Variants in URB1 observed in about 807,000 individuals in gnomAD.
URB1 encodes nucleolar pre-ribosomal-associated protein 1.
Under a neutral mutation model 242.3 loss-of-function variants are expected in URB1, and 197 were observed. The ratio of observed to expected loss-of-function variants is 0.81; its 90% CI spans 0.72 to 0.91. The LOEUF is 0.91. URB1 is among the 40% of genes least tolerant of loss of function. The pLI, the probability that URB1 is intolerant of heterozygous loss-of-function variation, is 0.00. For missense variants in URB1, 2,721 were observed against 2,860.5 expected, an observed-to-expected ratio of 0.95 and a Z score of 1.11; for synonymous variants, 1,153 against 1,201.8, an observed-to-expected ratio of 0.96 and a Z score of 0.84.
At position 32,332,461 on chromosome 21, in the gene URB1, G is replaced by C. The variant is rs185653453; in HGVS notation, c.4960+856C>G. 2.0e-4 allele frequency among the ~76,000 whole-genome samples: 9 copies of C among 44,002 alleles called. 1 individual carries two copies. The Admixed American group carries it at 2.3e-3, about 11-fold the overall frequency. The allele number at this position is 44,002 out of a possible 152,430, so 28.9% of individuals were successfully genotyped here. On this transcript the variant is annotated intron_variant, in intron 30 of 38. Coordinates refer to ENST00000382751, the MANE Select transcript of URB1 (RefSeq NM_014825.3). The stretch of plus-strand genomic sequence containing the variant: ...TATAAAGAACACTCAAAACTCAATA[G>C]TTGAAAAAAGAAAGACAAAAAAAAA...
intron 37 of URB1, among the ~76,000 whole-genome samples, chr21:32,317,272 A>G (rs1026075198): frequency 6.6e-6 from 1 of 152,138 alleles, no homozygotes; most frequent in African/African-American, 2.4e-5. Context: ...ATTAATCCTC[A>G]CACCATGAGG....
intron 20 of URB1, among the ~76,000 whole-genome samples, chr21:32,350,250 A>C (rs1282096485): frequency 6.6e-6 from 1 of 152,224 alleles, no homozygotes; most frequent in Admixed American, 6.5e-5. Flanking sequence ...CCTGACCAAC[A>C]TGGTGAGAAC....
In URB1 at chr21:32,321,878, C is replaced by T. The variant is rs1478894292; in HGVS notation, c.5407G>A (p.Glu1803Lys). The T allele has an allele frequency of 7.7e-6, 12 of 1,551,666 alleles. No homozygotes were observed. The East Asian group carries it at 9.8e-5, about 13-fold the overall frequency. Reference protein sequence around the residue: ...RQGIRDKQCYELCARRGIFHI... With the variant: ...RQGIRDKQCYKLCARRGIFHI... ...AAGATGCCACGCCGGGCACACAGTT[C>T]GTAGCACTGCTTGTCACGGATCCCC... is the stretch of plus-strand genomic sequence containing the variant. Residue 1803 changes from glutamate (E) to lysine (K), a missense_variant, in exon 34 of 39, where the codon GAA (glutamate) becomes AAA (lysine). By Grantham distance (56) the Glu-to-Lys change is moderately conservative. Transcript: ENST00000382751.
At chr21:32,382,201 C>T (rs2033534670) in intron 4 of URB1, among the ~76,000 whole-genome samples, 1 of 152,142 alleles carries the variant, frequency 6.6e-6, no homozygotes, top group Non-Finnish European at 1.5e-5. Context: ...GTGGGGAGGG[C>T]ATCTGATGGA....
rs771035855 is a variant in URB1, at chr21:32,334,225, G to A, written c.4795C>T (p.Arg1599Trp). The A allele has an allele frequency of 7.7e-5, 119 of 1,551,432 alleles. No homozygotes were observed. In the Middle Eastern group the frequency reaches 1.0e-3, roughly 13 times the overall value. ...SVGDILRLLD[R>W]DRMMQTILHF... The stretch of plus-strand genomic sequence containing the variant: ...AGGATGGTCTGCATCATCCGGTCCC[G>A]GTCCAGCAGGCGAAGGATGTCCCCG... Residue 1599 changes from arginine (R) to tryptophan (W), a missense_variant, in exon 29 of 39, where the codon CGG becomes TGG. Coordinates refer to ENST00000382751, the MANE Select transcript of URB1 (RefSeq NM_014825.3).
rs2032770973 is a variant in URB1 at position 32,321,867 on chromosome 21, G to C, written c.5418C>G (p.Ala1806=). 1.9e-6 allele frequency: 3 copies of C among 1,551,716 alleles called. No homozygotes were observed. The highest frequency in any genetic ancestry group is 4.9e-5 in the East Asian group (2 of 40,926). ...GGATGATGTGGAAGATGCCACGCCG[G>C]GCACACAGTTCGTAGCACTGCTTGT... ...IRDKQCYELC[A]RRGIFHIILS... Residue 1806 remains alanine (A), a synonymous_variant, in exon 34 of 39, where the codon GCC becomes GCG. Coordinates refer to ENST00000382751, the MANE Select transcript of URB1 (RefSeq NM_014825.3).
chr21:32,365,072 G>T (rs969395219), intron 10 of URB1, among the ~76,000 whole-genome samples: 1 of 152,218 alleles, frequency 6.6e-6, no homozygotes, highest in Non-Finnish European at 1.5e-5. Flanking sequence ...ACAACACTGT[G>T]AGAGGAGGAG....
Position 32,319,188 on chromosome 21 carries a change from AGGGCCCCCCTGGCGG to A in URB1, c.5792+14_5792+28del. 1 of 1,531,358 alleles carries A rather than the reference AGGGCCCCCCTGGCGG, an allele frequency of 6.5e-7. No individual in the cohort carries two copies. The highest frequency in any genetic ancestry group is 8.8e-7 in the Non-Finnish European group (1 of 1,140,632). The allele number at this position is 1,531,358 out of a possible 1,614,324, so 94.9% of individuals were successfully genotyped here. On this transcript the variant is annotated intron_variant, in intron 36 of 38. Transcript: ENST00000382751. ...CCAACACAGCATCCAAGAGGCCAGA[AGGGCCCCCCTGGCGG>A]GGGCAGGACTCACCTCAGGTGCTTC...
chr21:32,354,251 A>G (rs1363614620), intron 17 of URB1, 148 bp from the exon 18 acceptor site: 3 of 799,506 alleles, frequency 3.8e-6, no homozygotes, highest in African/African-American at 3.5e-5. Context: ...GTTTGACCCT[A>G]AACAGACAAA....
chr21:32,339,681 C>T (rs572769872), intron 25 of URB1, among the ~76,000 whole-genome samples: 16 of 152,034 alleles, frequency 1.1e-4, no homozygotes, highest in East Asian at 3.9e-4. Flanking sequence ...TTAGTAGAGA[C>T]GGGGTTTCAC....
At chr21:32,348,391 T>C (rs1225440752) in intron 21 of URB1, among the ~76,000 whole-genome samples, 1 of 152,222 alleles carries the variant, frequency 6.6e-6, no homozygotes, top group Non-Finnish European at 1.5e-5. Context: ...AAAGTAATCC[T>C]GTCTCCACTG....
Position 32,339,289 on chromosome 21 carries a change from C to T in URB1, c.4317-389G>A, listed in dbSNP as rs112382601. On this transcript the variant is annotated intron_variant, in intron 25 of 38. Coordinates refer to ENST00000382751, the MANE Select transcript of URB1 (RefSeq NM_014825.3). ...GATTACAGGCATGAGCCACTGCGCCCGGCCATTTTCTCAGTATTTTATTAA... is the reference window on the plus strand; with the variant it reads ...GATTACAGGCATGAGCCACTGCGCCTGGCCATTTTCTCAGTATTTTATTAA... Among the ~76,000 whole-genome samples the T allele has an allele frequency of 1.3e-3, 195 of 152,220 alleles. 2 individuals are homozygous for T. The highest frequency in any genetic ancestry group is 6.8e-3 in the Middle Eastern group (2 of 294).
chr21:32,346,864 G>A, intron 22 of URB1, 92 bp downstream of exon 22: 2 of 1,431,946 alleles, frequency 1.4e-6, no homozygotes, highest in Non-Finnish European at 9.2e-7. Flanking sequence ...CCCAGAACCT[G>A]AATTTCTAGG....
Position 32,361,247 on chromosome 21 carries a change from G to A in URB1, c.1640-124C>T, listed in dbSNP as rs544610523. The stretch of plus-strand genomic sequence containing the variant: ...AAACATACTGGTTCTTTGTCCTTGA[G>A]CAGCTGAACCAAGTGTGGCACCACA... On this transcript the variant is annotated intron_variant, in intron 12 of 38. Transcript: ENST00000382751. 5.8e-6 allele frequency: 4 copies of A among 686,452 alleles called. No homozygotes were observed. In the African/African-American group the frequency reaches 7.6e-5, roughly 13 times the overall value. 42.5% of individuals were successfully genotyped at this position (686,452 alleles called of 1,614,324 possible).
chr21:32,369,786 A>G (rs537715070), intron 8 of URB1, among the ~76,000 whole-genome samples: 25 of 152,270 alleles, frequency 1.6e-4, no homozygotes, highest in African/African-American at 5.8e-4. Context: ...ATTTTCATTT[A>G]GCAGATGAAA....
In URB1 at chr21:32,311,757, C is replaced by A; in HGVS notation, c.*3161G>T. On this transcript the variant is annotated 3_prime_UTR_variant, in exon 39 of 39. Coordinates refer to ENST00000382751, the MANE Select transcript of URB1 (RefSeq NM_014825.3). Reference sequence around the variant, plus strand: ...CCTCCACCTCTGCATCCAGAAGTGCCTGCCGTGCCACAGGGAACCCCTGGC... The same window carrying A: ...CCTCCACCTCTGCATCCAGAAGTGCATGCCGTGCCACAGGGAACCCCTGGC... 6.2e-7 allele frequency: 1 copy of A among 1,614,158 alleles called. No homozygotes were observed. The highest frequency in any genetic ancestry group is 1.7e-5 in the Admixed American group (1 of 60,032).
chr21:32,360,898 G>C (rs2033275092), intron 13 of URB1, 109 bp downstream of exon 13: 2 of 660,136 alleles, frequency 3.0e-6, no homozygotes, highest in Non-Finnish European at 5.0e-6. Flanking sequence ...GCTGACGGAT[G>C]AGCACGCAGC....
intron 8 of URB1, among the ~76,000 whole-genome samples, chr21:32,371,096 C>T (rs746736010): frequency 1.3e-5 from 2 of 152,132 alleles, no homozygotes; most frequent in African/African-American, 2.4e-5. Context: ...AAGGGCTGTC[C>T]GGGAAGGCCT....
At chr21:32,346,185 C>A (rs2033084217) in intron 22 of URB1, among the ~76,000 whole-genome samples, 1 of 152,144 alleles carries the variant, frequency 6.6e-6, no homozygotes, top group Non-Finnish European at 1.5e-5. Flanking sequence ...AGAGCTGGCT[C>A]CGCTTTTTCT....
Sources: allele counts gnomAD v4.1 joint callset (sites outside exome capture counted in the v4.1 genomes callset), GRCh38; gene constraint gnomAD v4.1.1; transcripts MANE v1.5; gene names NCBI Gene and HGNC (gene_info 2026-07-23, HGNC 2026-07-21).